The following NRG3 variants were observed in gnomAD, a reference collection of about 807,000 sequenced individuals.
NRG3 encodes neuregulin 3, also known as pro-neuregulin-3, membrane-bound isoform.
A neutral mutation model predicts 66.9 loss-of-function variants in NRG3; 31 were observed. The ratio of observed to expected loss-of-function variants is 0.46; its 90% confidence interval spans 0.35 to 0.63. The LOEUF (loss-of-function observed/expected upper bound fraction) is 0.63, where lower values mean the gene tolerates loss of function less well. NRG3 is among the 20% of genes least tolerant of loss of function. The probability of loss-of-function intolerance (pLI) is 0.00; values close to 1 mark genes in which losing one functional copy is unlikely to be tolerated. For missense variants in NRG3, 910 were observed against 878.9 expected, an observed-to-expected ratio of 1.04 and a Z score of -0.45; for synonymous variants, 393 against 359.4, an observed-to-expected ratio of 1.09 and a Z score of -1.06.
chr10:82,692,676 T>G (rs1437647577), intron 2 of NRG3, among the ~76,000 whole-genome samples: 2 of 152,150 alleles, frequency 1.3e-5, no homozygotes, highest in African/African-American at 4.8e-5. Flanking sequence ...CAAGTACAGG[T>G]GGGCCTCTAG....
chr10:81,914,026 C>A (rs1845434233), intron 1 of NRG3, among the ~76,000 whole-genome samples: 1 of 152,170 alleles, frequency 6.6e-6, no homozygotes. Flanking sequence ...CTAAGGCGGG[C>A]AGCTGTAAGG....
chr10:82,248,616 C>A (rs1275142936), intron 1 of NRG3, among the ~76,000 whole-genome samples: 1 of 152,116 alleles, frequency 6.6e-6, no homozygotes, highest in Non-Finnish European at 1.5e-5. Flanking sequence ...TATGTTACTA[C>A]GTGCAAAAAT....
At chr10:82,611,618 G>A (rs953432808) in intron 2 of NRG3, among the ~76,000 whole-genome samples, 18 of 152,156 alleles carry the variant, frequency 1.2e-4, no homozygotes, top group Admixed American at 5.2e-4. Context: ...TTATGGCTGC[G>A]TAGTATTCCA....
At chr10:82,788,535 A>C (rs537372203) in intron 3 of NRG3, among the ~76,000 whole-genome samples, 9 of 152,310 alleles carry the variant, frequency 5.9e-5, no homozygotes, top group African/African-American at 2.2e-4. Flanking sequence ...GCACCACTGC[A>C]TGCCAGCCTG....
At chr10:81,961,162 A>G (rs565164242) in intron 1 of NRG3, among the ~76,000 whole-genome samples, 4 of 152,320 alleles carry the variant, frequency 2.6e-5, no homozygotes, top group African/African-American at 9.6e-5. Flanking sequence ...AATTATCTAT[A>G]TATGAATTAA....
At chr10:82,358,910 C>A in intron 2 of NRG3, 42 bp downstream of exon 2, 1 of 1,613,174 alleles carries the variant, frequency 6.2e-7, no homozygotes, top group South Asian at 1.1e-5. Flanking sequence ...AGGCCCGTTG[C>A]AAGGCGTGGG....
chr10:82,646,466 C>G (rs987474764), intron 2 of NRG3, among the ~76,000 whole-genome samples: 1 of 152,106 alleles, frequency 6.6e-6, no homozygotes. Flanking sequence ...GTTTGCATTC[C>G]TGTTCTTTCT....
intron 3 of NRG3, among the ~76,000 whole-genome samples, chr10:82,742,831 C>G (rs2058484019): frequency 6.6e-6 from 1 of 152,140 alleles, no homozygotes; most frequent in Non-Finnish European, 1.5e-5. Context: ...TTACCATCCT[C>G]AGCCTTGAAG....
intron 1 of NRG3, among the ~76,000 whole-genome samples, chr10:81,893,030 T>C (rs1564636811): frequency 6.6e-6 from 1 of 152,198 alleles, no homozygotes; most frequent in Admixed American, 6.5e-5. Context: ...AAACTCAAAG[T>C]GGCTAGTTTA....
intron 5 of NRG3, among the ~76,000 whole-genome samples, chr10:82,952,471 CTGTGTGTGTGTG>C (rs60100337): frequency 0.01 from 1,011 of 98,772 alleles, 27 homozygotes; most frequent in African/African-American, 0.028. Context: ...CTCTCTCTCT[CTGTGTGTGTGTG>C]TGTGTGTGTG....
At chr10:81,974,344 C>T (rs899773590) in intron 1 of NRG3, among the ~76,000 whole-genome samples, 1 of 151,996 alleles carries the variant, frequency 6.6e-6, no homozygotes, top group Non-Finnish European at 1.5e-5. Flanking sequence ...ATATTACATA[C>T]AGAGGAAAAA....
chr10:82,132,546 T>TG (rs1564594057), intron 1 of NRG3, among the ~76,000 whole-genome samples: 2 of 134,052 alleles, frequency 1.5e-5, no homozygotes, highest in African/African-American at 2.8e-5. Context: ...GATATATATA[T>TG]ATCTTTGTCT....
chr10:82,697,492 AG>A, intron 2 of NRG3, among the ~76,000 whole-genome samples: 1 of 152,164 alleles, frequency 6.6e-6, no homozygotes, highest in Non-Finnish European at 1.5e-5. Context: ...TAGAGAGGAG[AG>A]GATCACACAT....
intron 1 of NRG3, among the ~76,000 whole-genome samples, chr10:82,178,260 T>A: frequency 6.6e-6 from 1 of 152,296 alleles, no homozygotes; most frequent in South Asian, 2.1e-4. Context: ...TTTCCCCTTT[T>A]AACAAAATTA....
At chr10:81,933,817 T>G (rs1847613338) in intron 1 of NRG3, among the ~76,000 whole-genome samples, 1 of 152,156 alleles carries the variant, frequency 6.6e-6, no homozygotes, top group Non-Finnish European at 1.5e-5. Flanking sequence ...ACAAATGATG[T>G]TGGCATATAT....
chr10:82,385,015 T>A (rs928650320), intron 2 of NRG3, among the ~76,000 whole-genome samples: 3 of 152,218 alleles, frequency 2.0e-5, no homozygotes, highest in African/African-American at 7.2e-5. Context: ...CCATTCTAAC[T>A]GGTATGAAAT....
At chr10:82,958,134 G>T (rs1850253239) in intron 5 of NRG3, among the ~76,000 whole-genome samples, 1 of 152,180 alleles carries the variant, frequency 6.6e-6, no homozygotes, top group African/African-American at 2.4e-5. Flanking sequence ...CTCAGAAGCG[G>T]TGGGACCATG....
chr10:82,730,713 A>T (rs893901854), intron 2 of NRG3, among the ~76,000 whole-genome samples: 5 of 152,222 alleles, frequency 3.3e-5, no homozygotes, highest in African/African-American at 1.2e-4. Context: ...TATTAATTAA[A>T]TTCTCAATTC....
chr10:82,346,839 T>C (rs1216646480), intron 1 of NRG3, among the ~76,000 whole-genome samples: 1 of 152,190 alleles, frequency 6.6e-6, no homozygotes, highest in Non-Finnish European at 1.5e-5. Flanking sequence ...CTAGATTTTC[T>C]AGTTTATTTG....
Sources: allele counts gnomAD v4.1 joint callset (sites outside exome capture counted in the v4.1 genomes callset), GRCh38; gene constraint gnomAD v4.1.1; transcripts MANE v1.5; gene names NCBI Gene and HGNC (gene_info 2026-07-23, HGNC 2026-07-21).